The following IFT80 variants were observed in gnomAD, a reference collection of about 807,000 sequenced individuals.
The protein encoded by IFT80 is intraflagellar transport protein 80 homolog.
In IFT80, 79 loss-of-function variants were observed where a neutral mutation model predicts 107.9. That is an observed-to-expected ratio of 0.73 (90% CI 0.61 to 0.88). The LOEUF is 0.88. Among genes scored for constraint, IFT80 ranks in the 40% least tolerant of loss-of-function variants. The probability of loss-of-function intolerance (pLI) is 0.00; values close to 1 mark genes in which losing one functional copy is unlikely to be tolerated. For missense variants in IFT80, 797 were observed against 914.2 expected (o/e 0.87, Z 1.65); for synonymous variants, 299 against 300.9 (o/e 0.99, Z 0.07).
At chr3:160,347,151 T>A (rs927684552) in intron 8 of IFT80, among the ~76,000 whole-genome samples, 1 of 151,988 alleles carries the variant, frequency 6.6e-6, no homozygotes, top group African/African-American at 2.4e-5. Context: ...CACCACCCAA[T>A]ACACACACAC....
At chr3:160,284,456 T>C (rs1174302895) in intron 13 of IFT80, among the ~76,000 whole-genome samples, 1 of 152,156 alleles carries the variant, frequency 6.6e-6, no homozygotes, top group Non-Finnish European at 1.5e-5. Context: ...GGAGAGGTTA[T>C]AGGGAAATAA....
intron 12 of IFT80, among the ~76,000 whole-genome samples, chr3:160,300,241 T>A (rs1307492572): frequency 6.6e-6 from 1 of 152,164 alleles, no homozygotes; most frequent in Non-Finnish European, 1.5e-5. Context: ...CACCATTGTA[T>A]CCTGAACTTC....
intron 5 of IFT80, among the ~76,000 whole-genome samples, chr3:160,367,581 A>G (rs1721952215): frequency 6.6e-6 from 1 of 152,076 alleles, no homozygotes; most frequent in African/African-American, 2.4e-5. Flanking sequence ...GTTTGGCTTT[A>G]GCCCAAAAGC....
intron 9 of IFT80, among the ~76,000 whole-genome samples, chr3:160,311,437 G>A: frequency 6.6e-6 from 1 of 152,168 alleles, no homozygotes; most frequent in East Asian, 1.9e-4. Flanking sequence ...AAATGCGAAT[G>A]TTACTATGGT....
chr3:160,364,064 C>T (rs1054793124), intron 6 of IFT80, among the ~76,000 whole-genome samples: 2 of 152,150 alleles, frequency 1.3e-5, no homozygotes, highest in Non-Finnish European at 2.9e-5. Context: ...TCAGAGTGAA[C>T]AGGCAACCTA....
chr3:160,386,565 A>G (rs1373891404), intron 1 of IFT80, among the ~76,000 whole-genome samples: 3 of 152,204 alleles, frequency 2.0e-5, no homozygotes, highest in African/African-American at 7.2e-5. Context: ...AGTGTGGGTC[A>G]ACATTTATGA....
chr3:160,367,640 C>T (rs891647373), intron 5 of IFT80, among the ~76,000 whole-genome samples: 2 of 151,996 alleles, frequency 1.3e-5, no homozygotes, highest in African/African-American at 2.4e-5. Context: ...AAGTTTACTT[C>T]CAGAGGAAAA....
At chr3:160,312,877 A>ATATAATATATAATAAATG (rs1717455812) in intron 9 of IFT80, among the ~76,000 whole-genome samples, 1 of 20,724 alleles carries the variant, frequency 4.8e-5, no homozygotes, top group African/African-American at 1.9e-4. Flanking sequence ...TATAATAAAT[A>ATATAATATATAATAAATG]TATATTATAT....
intron 8 of IFT80, among the ~76,000 whole-genome samples, chr3:160,335,980 A>G (rs189150609): frequency 4.8e-4 from 73 of 152,280 alleles, no homozygotes; most frequent in Non-Finnish European, 9.3e-4. Context: ...TGTAGCATGT[A>G]TCAGTACTTT....
chr3:160,341,108 C>T (rs925738700), intron 8 of IFT80, among the ~76,000 whole-genome samples: 1 of 151,852 alleles, frequency 6.6e-6, no homozygotes, highest in Non-Finnish European at 1.5e-5. Flanking sequence ...TGAGCCCAGG[C>T]AATCCTGCCA....
intron 1 of IFT80, among the ~76,000 whole-genome samples, chr3:160,393,999 T>C (rs1312091221): frequency 1.3e-5 from 2 of 152,198 alleles, no homozygotes; most frequent in South Asian, 4.1e-4. Flanking sequence ...GTCCCCTAAA[T>C]TGATAGCTCT....
chr3:160,304,701 C>G (rs527952059), intron 10 of IFT80, among the ~76,000 whole-genome samples: 31 of 152,118 alleles, frequency 2.0e-4, no homozygotes, highest in African/African-American at 7.5e-4. Flanking sequence ...TCCCAAAGTG[C>G]TGGGATTACA....
At chr3:160,384,832 CTT>C (rs1414716635) in intron 1 of IFT80, among the ~76,000 whole-genome samples, 186 bp from the exon 2 acceptor site, 1 of 152,166 alleles carries the variant, frequency 6.6e-6, no homozygotes, top group Non-Finnish European at 1.5e-5. Context: ...TGACGGAGAG[CTT>C]TGGGCTGAAC....
At chr3:160,383,498 GA>G in intron 2 of IFT80, 1 of 899,008 alleles carries the variant, frequency 1.1e-6, no homozygotes, top group Non-Finnish European at 1.3e-6. Context: ...TGAAGGACCA[GA>G]TTTTTCTTTA....
intron 3 of IFT80, among the ~76,000 whole-genome samples, chr3:160,379,771 T>C (rs1253509956): frequency 6.6e-6 from 1 of 152,188 alleles, no homozygotes; most frequent in African/African-American, 2.4e-5. Context: ...AAATTCTAGC[T>C]GTGGTTCAGG....
chr3:160,304,596 C>T (rs576102908), intron 10 of IFT80, among the ~76,000 whole-genome samples: 16 of 151,938 alleles, frequency 1.1e-4, no homozygotes, highest in African/African-American at 2.9e-4. Flanking sequence ...CCACCACACC[C>T]GGCTAATTTT....
intron 9 of IFT80, among the ~76,000 whole-genome samples, chr3:160,314,595 A>G (rs1385808728): frequency 6.6e-6 from 1 of 152,206 alleles, no homozygotes; most frequent in African/African-American, 2.4e-5. Context: ...AGTTAATGAA[A>G]CACGGATAAA....
chr3:160,356,112 T>C lies in IFT80; in HGVS notation c.678A>G (p.Gln226=), dbSNP rs1157809058. The change falls in exon 8 of 20, where the codon CAA becomes CAG. Residue 226 remains glutamine (Q), a synonymous_variant. Transcript: ENST00000326448. ...DSYGRPLYNS[Q]PHEHPITSVA... Reference sequence around the variant, plus strand: ...CTGAAGTAATGGGATGCTCATGAGGTTGTGAATTGTACAGTGGGCGGCCGT... The same window carrying C: ...CTGAAGTAATGGGATGCTCATGAGGCTGTGAATTGTACAGTGGGCGGCCGT... 1.2e-6 allele frequency: 2 copies of C among 1,614,112 alleles called. No individual in the cohort carries two copies. The highest frequency in any genetic ancestry group is 1.1e-5 in the South Asian group (1 of 91,080).
At chr3:160,297,554 G>A (rs1350325561) in intron 12 of IFT80, among the ~76,000 whole-genome samples, 1 of 151,742 alleles carries the variant, frequency 6.6e-6, no homozygotes, top group Non-Finnish European at 1.5e-5. Context: ...TTAAGTTGGA[G>A]GTCACCGCTA....
Sources: gnomAD v4.1 joint callset for allele counts (sites outside exome capture counted in the v4.1 genomes callset) on GRCh38, gnomAD v4.1.1 for gene constraint, MANE v1.5 for transcripts, NCBI Gene and HGNC (gene_info 2026-07-23, HGNC 2026-07-21) for gene names.